IPO11: variants seen among roughly 807,000 people sequenced by gnomAD.
The protein encoded by IPO11 is importin-11.
IPO11 carries 66 observed loss-of-function variants against 143.2 expected under a neutral mutation model. That is an observed-to-expected ratio of 0.46 (90% CI 0.38 to 0.57). The LOEUF (loss-of-function observed/expected upper bound fraction) is 0.57, where lower values mean the gene tolerates loss of function less well. Among genes scored for constraint, IPO11 ranks in the 20% least tolerant of loss-of-function variants. The pLI is 0.00. For missense variants in IPO11, 1,026 were observed against 1,141.0 expected (o/e 0.90, Z 1.45); for synonymous variants, 385 against 377.8 (o/e 1.02, Z -0.22).
chr5:62,520,106 C>T (rs941118223), intron 20 of IPO11, among the ~76,000 whole-genome samples: 1 of 152,178 alleles, frequency 6.6e-6, no homozygotes, highest in Non-Finnish European at 1.5e-5. Flanking sequence ...AGGTCAGGCC[C>T]ACCTGGATAA....
intron 27 of IPO11, chr5:62,578,815 TG>T: frequency 2.5e-6 from 1 of 405,692 alleles, no homozygotes; most frequent in Non-Finnish European, 4.9e-6. Context: ...AAAAAAGTGG[TG>T]GGGTGGAGGT....
intron 13 of IPO11, among the ~76,000 whole-genome samples, chr5:62,488,917 C>G (rs923432490): frequency 1.3e-5 from 2 of 152,162 alleles, no homozygotes; most frequent in Admixed American, 6.5e-5. Context: ...GTTGGAGGAT[C>G]ATTTGAGCGC....
chr5:62,541,956 T>C (rs1289753263), intron 24 of IPO11, among the ~76,000 whole-genome samples: 1 of 152,198 alleles, frequency 6.6e-6, no homozygotes, highest in African/African-American at 2.4e-5. Context: ...TGTTTGCCTT[T>C]AATCCTATCT....
chr5:62,615,002 T>C (rs915901637), intron 29 of IPO11, among the ~76,000 whole-genome samples: 3 of 152,180 alleles, frequency 2.0e-5, no homozygotes, highest in African/African-American at 7.2e-5. Flanking sequence ...CGAACTCCTA[T>C]TGGCGTTCTG....
intron 29 of IPO11, among the ~76,000 whole-genome samples, chr5:62,616,367 T>G (rs1235932445): frequency 6.6e-6 from 1 of 152,172 alleles, no homozygotes; most frequent in East Asian, 1.9e-4. Flanking sequence ...CTACTCTTTC[T>G]GAAGATTCCT....
intron 8 of IPO11, among the ~76,000 whole-genome samples, chr5:62,475,167 A>G (rs1261401753): frequency 1.3e-5 from 2 of 152,006 alleles, no homozygotes; most frequent in Non-Finnish European, 2.9e-5. Context: ...TTTGTCTCCC[A>G]AAGTGTTGGA....
chr5:62,456,232 C>T (rs1308176228), intron 5 of IPO11, among the ~76,000 whole-genome samples: 5 of 151,730 alleles, frequency 3.3e-5, no homozygotes, highest in Non-Finnish European at 7.4e-5. Context: ...GGCTGGTCTC[C>T]AACTCCTGAC....
At chr5:62,430,064 G>A (rs942566566) in intron 1 of IPO11, among the ~76,000 whole-genome samples, 2 of 152,048 alleles carry the variant, frequency 1.3e-5, no homozygotes, top group Admixed American at 6.6e-5. Flanking sequence ...GCTGAAATAC[G>A]CATTTTATTT....
chr5:62,516,028 C>G (rs1742001047), intron 20 of IPO11, among the ~76,000 whole-genome samples: 1 of 152,106 alleles, frequency 6.6e-6, no homozygotes, highest in African/African-American at 2.4e-5. Context: ...TGAACTGTTA[C>G]AGTGAATCAT....
chr5:62,516,859 T>A (rs1742040478), intron 20 of IPO11, among the ~76,000 whole-genome samples: 1 of 151,178 alleles, frequency 6.6e-6, no homozygotes, highest in African/African-American at 2.4e-5. Flanking sequence ...TGAAGCTATA[T>A]CATTAAACAA....
intron 20 of IPO11, among the ~76,000 whole-genome samples, chr5:62,517,214 A>G: frequency 6.6e-6 from 1 of 152,186 alleles, no homozygotes; most frequent in East Asian, 1.9e-4. Flanking sequence ...AAGAAAAAAA[A>G]ATAAGTGGCC....
chr5:62,479,579 C>A (rs1307618029), intron 9 of IPO11, among the ~76,000 whole-genome samples: 2 of 152,174 alleles, frequency 1.3e-5, no homozygotes, highest in African/African-American at 4.8e-5. Context: ...TCCTATTTCT[C>A]CACATCCTCT....
intron 24 of IPO11, among the ~76,000 whole-genome samples, chr5:62,545,224 C>T (rs1175541955): frequency 1.3e-5 from 2 of 152,204 alleles, no homozygotes; most frequent in Non-Finnish European, 2.9e-5. Context: ...TTAACCAAAA[C>T]AGCATGGTAC....
chr5:62,604,678 T>G (rs1317346799), intron 29 of IPO11, among the ~76,000 whole-genome samples: 1 of 152,184 alleles, frequency 6.6e-6, no homozygotes. Flanking sequence ...AGTGGCCGAT[T>G]TTAAGTTACT....
In IPO11 at chr5:62,623,212, A is replaced by G. The variant is rs116333393; in HGVS notation, c.2764-3942A>G. 5.0e-3 allele frequency among the ~76,000 whole-genome samples: 761 copies of G among 152,356 alleles called. 7 individuals are homozygous for G. Among genetic ancestry groups the G allele is most frequent in the African/African-American group, 0.017 (717 of 41,582 alleles). ...GAATTTTTGAAGACCACATGGTTAA[A>G]TACATTGTTGTAGATCAATTTTCCT... On this transcript the variant is annotated intron_variant, in intron 29 of 29. Transcript: ENST00000325324.
intron 26 of IPO11, among the ~76,000 whole-genome samples, chr5:62,555,856 C>T (rs1192288124): frequency 6.6e-6 from 1 of 152,116 alleles, no homozygotes; most frequent in African/African-American, 2.4e-5. Flanking sequence ...TTGCATGTTG[C>T]CTAGGCTAGT....
chr5:62,454,324 C>G (rs1745048174), intron 5 of IPO11, among the ~76,000 whole-genome samples: 1 of 152,118 alleles, frequency 6.6e-6, no homozygotes, highest in Non-Finnish European at 1.5e-5. Context: ...TTTCCTTTTC[C>G]TCTGTTTTGT....
intron 6 of IPO11, among the ~76,000 whole-genome samples, chr5:62,468,713 AG>A (rs1400788623): frequency 6.6e-6 from 1 of 152,200 alleles, no homozygotes; most frequent in Non-Finnish European, 1.5e-5. Flanking sequence ...CTGACGAAAA[AG>A]ATGTAGCTTT....
intron 28 of IPO11, among the ~76,000 whole-genome samples, chr5:62,598,426 TTCTTTCTCTCTCTCTCTCTCTCTC>T (rs1745329308): frequency 2.7e-4 from 1 of 3,746 alleles, no homozygotes; most frequent in Non-Finnish European, 4.2e-4. Context: ...CTTTCTTTCT[TTCTTTCTCTCTCTCTCTCTCTCTC>T]TCTCTCTCTC....
Sources: gnomAD v4.1 joint callset for allele counts (sites outside exome capture counted in the v4.1 genomes callset) on GRCh38, gnomAD v4.1.1 for gene constraint, MANE v1.5 for transcripts, NCBI Gene and HGNC (gene_info 2026-07-23, HGNC 2026-07-21) for gene names.